NPAS2: variants seen among roughly 807,000 people sequenced by gnomAD.
NPAS2 encodes neuronal PAS domain-containing protein 2.
Under a neutral mutation model 107.5 loss-of-function variants are expected in NPAS2, and 23 were observed. The ratio of observed to expected loss-of-function variants is 0.21; its 90% CI spans 0.15 to 0.30. The LOEUF is 0.30. Among genes scored for constraint, NPAS2 ranks in the 10% least tolerant of loss-of-function variants. NPAS2 has a pLI of 1.00. For synonymous variants in NPAS2, 403 were observed against 417.5 expected (o/e 0.97, Z 0.42); for missense variants, 756 against 1,043.3 (o/e 0.72, Z 3.79).
chr2:100,889,680 G>A (rs1018252102), intron 1 of NPAS2, among the ~76,000 whole-genome samples: 16 of 152,038 alleles, frequency 1.1e-4, no homozygotes, highest in Non-Finnish European at 2.1e-4. Context: ...TGGGAGAAAG[G>A]CCTCACCAGG....
chr2:100,886,777 CA>C (rs1680727815), intron 1 of NPAS2, among the ~76,000 whole-genome samples: 1 of 152,126 alleles, frequency 6.6e-6, no homozygotes, highest in Admixed American at 6.6e-5. Context: ...AATTCATGAA[CA>C]AAGGCCAAGG....
chr2:100,933,934 A>C (rs1191111112), intron 4 of NPAS2, among the ~76,000 whole-genome samples: 1 of 152,226 alleles, frequency 6.6e-6, no homozygotes, highest in Non-Finnish European at 1.5e-5. Context: ...TTTCTATCTC[A>C]TATCTTATGT....
intron 1 of NPAS2, among the ~76,000 whole-genome samples, chr2:100,822,222 C>T (rs926397569): frequency 4.4e-4 from 67 of 152,146 alleles, no homozygotes; most frequent in African/African-American, 1.5e-3. Flanking sequence ...AAACGTTACC[C>T]CCAAAGAGTT....
chr2:100,848,933 C>T (rs1288724176), intron 1 of NPAS2, among the ~76,000 whole-genome samples: 2 of 152,266 alleles, frequency 1.3e-5, no homozygotes, highest in African/African-American at 2.4e-5. Flanking sequence ...CCGTGGGGCG[C>T]AGCCTGTCAT....
chr2:100,839,408 T>C (rs532349573), intron 1 of NPAS2, among the ~76,000 whole-genome samples: 1 of 152,246 alleles, frequency 6.6e-6, no homozygotes, highest in East Asian at 1.9e-4. Flanking sequence ...GGATTACAGG[T>C]GTGAGCCACC....
chr2:100,882,318 A>C (rs570121868), intron 1 of NPAS2, among the ~76,000 whole-genome samples: 1 of 152,294 alleles, frequency 6.6e-6, no homozygotes, highest in Non-Finnish European at 1.5e-5. Context: ...CTTAAAACAA[A>C]AAAACAAACA....
intron 7 of NPAS2, among the ~76,000 whole-genome samples, chr2:100,950,205 T>C (rs899823037): frequency 1.3e-5 from 2 of 152,198 alleles, no homozygotes; most frequent in Non-Finnish European, 2.9e-5. Flanking sequence ...TGGCCTGCAT[T>C]TTGTTTTCTG....
At chr2:100,939,206 G>A (rs886430793) in intron 5 of NPAS2, among the ~76,000 whole-genome samples, 8 of 152,152 alleles carry the variant, frequency 5.3e-5, no homozygotes, top group Admixed American at 2.0e-4. Flanking sequence ...GATCGAAGCC[G>A]CTGCCTACAT....
Position 100,996,038 on chromosome 2 carries a change from T to G in NPAS2, c.*456T>G, listed in dbSNP as rs546312762. 32 of 1,009,628 alleles carry G rather than the reference T, an allele frequency of 3.2e-5. No homozygotes were observed. In the East Asian group the frequency reaches 1.2e-3, roughly 39 times the overall value. The allele number at this position is 1,009,628 out of a possible 1,614,324, so 62.5% of individuals were successfully genotyped here. A position where few individuals can be genotyped will look rare whatever the true frequency, so the allele number is the denominator to read the frequency against. ...TTGGAGAGAGAGAATAAAGAGATTA[T>G]TTTTCATTATTTTTAAATGGTTGTT... On this transcript the variant is annotated 3_prime_UTR_variant, in exon 21 of 21. Coordinates refer to ENST00000335681, the MANE Select transcript of NPAS2 (RefSeq NM_002518.4).
chr2:100,974,514 C>A (rs1218322444), intron 12 of NPAS2, among the ~76,000 whole-genome samples: 1 of 152,080 alleles, frequency 6.6e-6, no homozygotes, highest in Non-Finnish European at 1.5e-5. Context: ...GGTGAGGTGA[C>A]AATGTTGAGG....
At chr2:100,866,427 T>G (rs73967688) in intron 1 of NPAS2, among the ~76,000 whole-genome samples, 7,807 of 152,278 alleles carry the variant, frequency 0.051, 661 homozygotes, top group African/African-American at 0.18. Context: ...AGCCCAGATA[T>G]GTCCATCATG....
intron 1 of NPAS2, among the ~76,000 whole-genome samples, chr2:100,863,343 G>C (rs1015495804): frequency 2.0e-5 from 3 of 152,188 alleles, no homozygotes; most frequent in African/African-American, 7.2e-5. Context: ...TTGATTAGTT[G>C]GTTGGTTGGT....
chr2:100,967,159 C>G (rs376295718), intron 10 of NPAS2, among the ~76,000 whole-genome samples: 3 of 151,968 alleles, frequency 2.0e-5, no homozygotes, highest in East Asian at 3.9e-4. Context: ...GCAAGACCTC[C>G]TTGCCCTGTG....
rs761578436 is a variant in NPAS2 at position 100,932,944 on chromosome 2, G to C, written c.216G>C (p.Gln72His). Residue 72 changes from glutamine (Q) to histidine (H), a missense_variant, in exon 4 of 21, where the codon CAG (glutamine) becomes CAC (histidine). Gln to His is a conservative substitution (Grantham distance 24). Around this residue, in one of 4 missense-constraint regions of NPAS2, gnomAD observed 146 missense variants for 249.6 expected, o/e 0.58. Transcript: ENST00000335681. Reference protein sequence around the residue: ...VSAQTEICDIQQDWKPSFLSN... With the variant: ...VSAQTEICDIHQDWKPSFLSN... ...CGCAAACGGAAATCTGTGACATTCAGCAAGACTGGAAGCCTTCATTCCTCA... is the reference window on the plus strand; with the variant it reads ...CGCAAACGGAAATCTGTGACATTCACCAAGACTGGAAGCCTTCATTCCTCA... 1 of 1,613,988 alleles carries C rather than the reference G, an allele frequency of 6.2e-7. No individual in the cohort carries two copies.
intron 18 of NPAS2, 103 bp downstream of exon 18, chr2:100,990,549 C>G (rs1165548496): frequency 1.6e-6 from 2 of 1,284,386 alleles, no homozygotes; most frequent in East Asian, 2.4e-5. Flanking sequence ...CAGACAGATT[C>G]TAAAGTGTCC....
At chr2:100,905,883 C>T (rs1015034986) in intron 2 of NPAS2, among the ~76,000 whole-genome samples, 4 of 152,170 alleles carry the variant, frequency 2.6e-5, no homozygotes, top group African/African-American at 9.7e-5. Flanking sequence ...CCTGGAGAGG[C>T]AGCCATGAGA....
intron 1 of NPAS2, among the ~76,000 whole-genome samples, chr2:100,842,081 G>GCGCACACACA: frequency 6.7e-6 from 1 of 148,798 alleles, no homozygotes; most frequent in Non-Finnish European, 1.5e-5. Flanking sequence ...GCATGTACGC[G>GCGCACACACA]CACACACACA....
At chr2:100,916,652 A>G (rs754023222) in intron 2 of NPAS2, among the ~76,000 whole-genome samples, 87 of 152,318 alleles carry the variant, frequency 5.7e-4, no homozygotes, top group Middle Eastern at 3.4e-3. Flanking sequence ...CCTCTTAGTA[A>G]TAGAACTAGT....
chr2:100,839,397 GGGATT>G (rs1182358563), intron 1 of NPAS2, among the ~76,000 whole-genome samples: 4 of 152,124 alleles, frequency 2.6e-5, no homozygotes, highest in Non-Finnish European at 4.4e-5. Flanking sequence ...CCAAAGTGCT[GGGATT>G]ACAGGTGTGA....
Sources: allele counts gnomAD v4.1 joint callset (sites outside exome capture counted in the v4.1 genomes callset), GRCh38; gene constraint gnomAD v4.1.1; regional missense constraint gnomAD v4.1.1; transcripts MANE v1.5; gene names NCBI Gene and HGNC (gene_info 2026-07-23, HGNC 2026-07-21).